SFPQ: variants seen among roughly 807,000 people sequenced by gnomAD.
SFPQ encodes the protein splicing factor proline and glutamine rich.
In SFPQ, 11 loss-of-function variants were observed where a neutral mutation model predicts 72.9. The observed-to-expected ratio is 0.15, with a 90% confidence interval of 0.09 to 0.25. SFPQ has a LOEUF of 0.25. Ranked by LOEUF, SFPQ falls within the 10% of genes least tolerant of loss-of-function variation. SFPQ has a pLI of 1.00. For missense variants in SFPQ, 847 were observed against 993.3 expected (o/e 0.85, Z 1.98); for synonymous variants, 506 against 367.3 (o/e 1.38, Z -4.32).
chr1:35,190,464 T>A, intron 4 of SFPQ, 34 bp downstream of exon 4: 1 of 1,475,480 alleles, frequency 6.8e-7, no homozygotes, highest in Non-Finnish European at 9.4e-7. Flanking sequence ...TACACTTGAT[T>A]TAAAAACTGC....
downstream of SFPQ, chr1:35,178,853 T>C (rs932735888): frequency 1.9e-6 from 2 of 1,049,102 alleles, no homozygotes; most frequent in South Asian, 4.6e-5. Context: ...CTCCACATTG[T>C]CCTATCTTAA....
At chr1:35,192,153 G>A in intron 1 of SFPQ, 69 bp downstream of exon 1, 2 of 1,214,792 alleles carry the variant, frequency 1.6e-6, no homozygotes, top group East Asian at 6.6e-5. Flanking sequence ...GCCCAGCGCG[G>A]GGGCGGGGGC....
chr1:35,193,075 C>G lies in SFPQ; in HGVS notation c.-26G>C. 2 of 1,524,756 alleles carry G rather than the reference C, an allele frequency of 1.3e-6. No homozygotes were observed. The highest frequency in any genetic ancestry group is 1.7e-6 in the Non-Finnish European group (2 of 1,147,734). The allele number at this position is 1,524,756 out of a possible 1,614,324, so 94.5% of individuals were successfully genotyped here. Reference sequence around the variant, plus strand: ...GTCTGTGGTCAAGGGGCGGTCGAGGCAAAAGCGAAGAAGACGCTCAGGAAA... The same window carrying G: ...GTCTGTGGTCAAGGGGCGGTCGAGGGAAAAGCGAAGAAGACGCTCAGGAAA... On this transcript the variant is annotated 5_prime_UTR_variant, in exon 1 of 10. Coordinates refer to ENST00000357214, the MANE Select transcript of SFPQ (RefSeq NM_005066.3).
downstream of SFPQ, chr1:35,178,162 C>A: frequency 9.4e-7 from 1 of 1,062,120 alleles, no homozygotes; most frequent in South Asian, 3.7e-5. Context: ...TAAGTTACAG[C>A]ATAAAAAAAT....
chr1:35,182,387 C>G (rs955259985), downstream of SFPQ: 3 of 985,392 alleles, frequency 3.0e-6, no homozygotes, highest in Admixed American at 1.2e-4. Context: ...CATGGTAAAA[C>G]TACTCATATT....
chr1:35,192,055 A>AATCCCCCGCCGACCGACGGCCCCGC (rs1640031650), intron 1 of SFPQ, among the ~76,000 whole-genome samples, 167 bp downstream of exon 1: 1 of 151,594 alleles, frequency 6.6e-6, no homozygotes, highest in Non-Finnish European at 1.5e-5. Flanking sequence ...GGCGGCGGCC[A>AATCCCCCGCCGACCGACGGCCCCGC]ATCCCCCGCC....
rs200831313 is a variant in SFPQ, at chr1:35,183,223, AC to A, written c.*1232del. The A allele has an allele frequency of 1.5e-3, 1,414 of 967,008 alleles. 1 individual carries two copies. In the East Asian group the frequency reaches 0.057, roughly 39 times the overall value. 59.9% of individuals were successfully genotyped at this position (967,008 alleles called of 1,614,324 possible). ...ATAACTAAACCTACTTCAGTACTAA[AC>A]CTTTTTTTTTTTTTGAGACAGAGTC... On this transcript the variant is annotated 3_prime_UTR_variant, in exon 10 of 10. Transcript: ENST00000357214.
At chr1:35,178,709 C>G, downstream of SFPQ, 3 of 1,054,364 alleles carry the variant, frequency 2.8e-6, no homozygotes, top group South Asian at 4.6e-5. Flanking sequence ...AAACAAAGAT[C>G]AGCCTTCATT....
intron 7 of SFPQ, among the ~76,000 whole-genome samples, 197 bp from the exon 8 acceptor site, chr1:35,187,448 AGGCC>A (rs1639774883): frequency 6.6e-6 from 1 of 152,200 alleles, no homozygotes; most frequent in Non-Finnish European, 1.5e-5. Flanking sequence ...TTCCTATTCA[AGGCC>A]GGGAGCAGTG....
At chr1:35,181,014 T>C, downstream of SFPQ, 1 of 1,065,222 alleles carries the variant, frequency 9.4e-7, no homozygotes, top group Non-Finnish European at 1.1e-6. Context: ...GTAAGCTAGC[T>C]TTACCATACA....
chr1:35,181,580 T>C (rs1639468264), downstream of SFPQ: 1 of 1,061,514 alleles, frequency 9.4e-7, no homozygotes, highest in Non-Finnish European at 1.1e-6. Context: ...ACCTATTAAA[T>C]ACACTGGGGT....
intron 9 of SFPQ, among the ~76,000 whole-genome samples, chr1:35,185,627 C>A (rs1441850058): frequency 6.6e-6 from 1 of 152,138 alleles, no homozygotes; most frequent in Non-Finnish European, 1.5e-5. Flanking sequence ...AAGAGTATTA[C>A]TCCAAATAAA....
rs913560798 is a variant in SFPQ at position 35,192,413 on chromosome 1, G to A, written c.637C>T (p.Pro213Ser). The change falls in exon 1 of 10, where the codon CCT becomes TCT. Residue 213 changes from proline (P) to serine (S), a missense_variant. This residue lies in a region of SFPQ where 498 missense variants were observed against 405.1 expected (regional missense o/e 1.23). Coordinates refer to ENST00000357214, the MANE Select transcript of SFPQ (RefSeq NM_005066.3). ...CCGCCACCTGGCTTCGGCCCGCCAGGCATTTTGCCGCCTTTGGGACCACCC... is the reference window on the plus strand; with the variant it reads ...CCGCCACCTGGCTTCGGCCCGCCAGACATTTTGCCGCCTTTGGGACCACCC... ...GPGGPKGGKM[P>S]GGPKPGGGPG... 12 of 1,425,938 alleles carry A rather than the reference G, an allele frequency of 8.4e-6. No individual in the cohort carries two copies. The East Asian group carries it at 2.7e-4, about 33-fold the overall frequency. 88.3% of individuals were successfully genotyped at this position (1,425,938 alleles called of 1,614,324 possible).
At chr1:35,178,700 A>AAC (rs1469572520), downstream of SFPQ, 5 of 1,054,564 alleles carry the variant, frequency 4.7e-6, no homozygotes, top group Non-Finnish European at 5.7e-6. Flanking sequence ...CAGTGCACAA[A>AAC]ACAAAGATCA....
Position 35,184,348 on chromosome 1 carries a change from G to A in SFPQ, c.*108C>T. The A allele has an allele frequency of 6.5e-7, 1 of 1,548,736 alleles. No individual in the cohort carries two copies. Among genetic ancestry groups the A allele is most frequent in the South Asian group, 1.3e-5 (1 of 79,556 alleles). On this transcript the variant is annotated 3_prime_UTR_variant, in exon 10 of 10. Coordinates refer to ENST00000357214, the MANE Select transcript of SFPQ (RefSeq NM_005066.3). ...TTTACAAATATTAGGTCAATAAACT[G>A]CTAACATCCATAAAAAGATAGCTTT...
At chr1:35,177,116 G>A (rs1265942386) in intron 5 of SFPQ, 2 of 152,240 alleles carry the variant, frequency 1.3e-5, no homozygotes, top group Non-Finnish European at 2.9e-5. Flanking sequence ...TTGGAAGGCT[G>A]AGGCAGGAGA....
At chr1:35,191,639 G>C in intron 1 of SFPQ, 110 bp from the exon 2 acceptor site, 1 of 797,142 alleles carries the variant, frequency 1.3e-6, no homozygotes, top group African/African-American at 1.7e-5. Context: ...TGTTCCGTTT[G>C]GTCAAAATCA....
At chr1:35,181,026 G>A (rs751915273), downstream of SFPQ, 55 of 1,064,972 alleles carry the variant, frequency 5.2e-5, no homozygotes, top group Non-Finnish European at 6.0e-5. Flanking sequence ...TACCATACAA[G>A]TGTTAGGTGC....
At position 35,184,597 on chromosome 1, in the gene SFPQ, T is replaced by C; in HGVS notation, c.1987-4A>G. On this transcript the variant is annotated splice_region_variant and splice_polypyrimidine_tract_variant and intron_variant, in intron 9 of 9. Transcript: ENST00000357214. Reference sequence around the variant, plus strand: ...CCTGCCCAAAGCGCTCAGTACGCTATTGGAACAGTAATTAACAGTTCATTA... The same window carrying C: ...CCTGCCCAAAGCGCTCAGTACGCTACTGGAACAGTAATTAACAGTTCATTA... The C allele has an allele frequency of 6.3e-7, 1 of 1,575,592 alleles. No individual in the cohort carries two copies. Among genetic ancestry groups the C allele is most frequent in the Non-Finnish European group, 8.6e-7 (1 of 1,167,502 alleles).
Sources: gnomAD v4.1 joint callset for allele counts (sites outside exome capture counted in the v4.1 genomes callset) on GRCh38, gnomAD v4.1.1 for gene constraint, gnomAD v4.1.1 regional missense constraint, MANE v1.5 for transcripts, NCBI Gene and HGNC (gene_info 2026-07-23, HGNC 2026-07-21) for gene names.